CACNA1B: variants seen among roughly 807,000 people sequenced by gnomAD.
CACNA1B encodes the protein voltage-dependent N-type calcium channel subunit alpha-1B.
Under a neutral mutation model 247.2 loss-of-function variants are expected in CACNA1B, and 70 were observed. That is an observed-to-expected ratio of 0.28 (90% CI 0.23 to 0.35). The LOEUF is 0.35. Among genes scored for constraint, CACNA1B ranks in the 10% least tolerant of loss-of-function variants. The pLI is 1.00. For synonymous variants in CACNA1B, 1,231 were observed against 1,294.4 expected (o/e 0.95, Z 1.05); for missense variants, 2,367 against 3,197.4 (o/e 0.74, Z 6.26).
chr9:137,949,147 G>GT (rs566236751), intron 6 of CACNA1B, among the ~76,000 whole-genome samples: 293 of 672 alleles, frequency 0.44, 64 homozygotes, highest in Admixed American at 0.47. Context: ...GTGTATCTGT[G>GT]CATGTGTGTG....
intron 6 of CACNA1B, among the ~76,000 whole-genome samples, chr9:137,918,762 T>C (rs1049064472): frequency 6.6e-6 from 1 of 152,144 alleles, no homozygotes; most frequent in Non-Finnish European, 1.5e-5. Context: ...CTTATTGAGC[T>C]CGTTTATCAA....
chr9:137,918,443 C>T (rs986233484), intron 6 of CACNA1B, among the ~76,000 whole-genome samples: 2 of 152,048 alleles, frequency 1.3e-5, no homozygotes, highest in Non-Finnish European at 2.9e-5. Flanking sequence ...GCCTGTGGGT[C>T]AGGAATCTGG....
chr9:138,094,457 A>AAAAAAAAAAAAAAAAAAAAAAAGAAGAAG (rs752912258), intron 36 of CACNA1B, among the ~76,000 whole-genome samples: 30 of 134,826 alleles, frequency 2.2e-4, no homozygotes, highest in South Asian at 8.0e-4. Flanking sequence ...AAAAAAAAAA[A>AAAAAAAAAAAAAAAAAAAAAAAGAAGAAG]AAGAAGAAGA....
rs1460394665 is a variant in CACNA1B at position 137,974,788 on chromosome 9, T to C, written c.1544-1119T>C. Among the ~76,000 whole-genome samples the C allele has an allele frequency of 6.6e-6, 1 of 152,240 alleles. No individual in the cohort carries two copies. The highest frequency in any genetic ancestry group is 1.9e-4 in the East Asian group (1 of 5,194). Reference sequence around the variant, plus strand: ...CTGGACTCTGCCCAGTTGTGGACTCTCAGGGGCCTGCCCTTCATGCCCTCC... The same window carrying C: ...CTGGACTCTGCCCAGTTGTGGACTCCCAGGGGCCTGCCCTTCATGCCCTCC... On this transcript the variant is annotated intron_variant, in intron 11 of 46. Coordinates refer to ENST00000371372, the MANE Select transcript of CACNA1B (RefSeq NM_000718.4). The surrounding 1 kb of genome is among the most constrained non-coding windows in gnomAD (Gnocchi z 4.5).
intron 6 of CACNA1B, among the ~76,000 whole-genome samples, chr9:137,934,857 A>G (rs1259667424): frequency 1.3e-5 from 2 of 152,182 alleles, no homozygotes; most frequent in Non-Finnish European, 2.9e-5. Flanking sequence ...CTTCCCTCTG[A>G]CAGAGCCTAC....
intron 44 of CACNA1B, 104 bp from the exon 45 acceptor site, chr9:138,120,055 GGGGGGC>G: frequency 1.2e-6 from 1 of 864,684 alleles, no homozygotes; most frequent in South Asian, 1.9e-5. Flanking sequence ...AGACCAGGAT[GGGGGGC>G]GTGTGGGCCT....
At chr9:137,998,364 A>G (rs1337600687) in intron 15 of CACNA1B, among the ~76,000 whole-genome samples, 1 of 152,190 alleles carries the variant, frequency 6.6e-6, no homozygotes. Context: ...TAATCCCAGC[A>G]CTTTGGGAGG....
intron 35 of CACNA1B, among the ~76,000 whole-genome samples, chr9:138,076,889 C>G (rs1960340317): frequency 6.6e-6 from 1 of 152,236 alleles, no homozygotes; most frequent in Non-Finnish European, 1.5e-5. Flanking sequence ...ACCTCTTAGA[C>G]TCTTGTTTCT....
chr9:138,121,387 G>A lies in CACNA1B; in HGVS notation c.6490-82G>A. ...TCTCCTCCCATCCCCCCAGGCACCT[G>A]TGTGTGATGTGCTCTGTCTGTTGGT... On this transcript the variant is annotated intron_variant, in intron 46 of 46. Coordinates refer to ENST00000371372, the MANE Select transcript of CACNA1B (RefSeq NM_000718.4). This position sits in a 1 kb window ranked among gnomAD's most constrained non-coding sequence, Gnocchi z 6.8. The A allele has an allele frequency of 9.0e-7, 1 of 1,108,066 alleles. No homozygotes were observed. Among genetic ancestry groups the A allele is most frequent in the Non-Finnish European group, 1.3e-6 (1 of 794,130 alleles). The allele number at this position is 1,108,066 out of a possible 1,614,324, so 68.6% of individuals were successfully genotyped here. A position where few individuals can be genotyped will look rare whatever the true frequency, so the allele number is the denominator to read the frequency against.
In CACNA1B at chr9:138,052,249, C is replaced by CGTGTGTGCGTGTGT. The variant is rs56929123; in HGVS notation, c.3807+68_3807+69insCGTGTGTGTGTGTG. On this transcript the variant is annotated intron_variant, in intron 25 of 46. Transcript: ENST00000371372. The surrounding 1 kb of genome is among the most constrained non-coding windows in gnomAD (Gnocchi z 5.1). ...GTGTGTGTGTGCGTGTGTGTGTGTG[C>CGTGTGTGCGTGTGT]GTGTGTGTGTGTGTATGCATGCAGT... 179,965 of 775,490 alleles carry CGTGTGTGCGTGTGT rather than the reference C, an allele frequency of 0.23. 19,948 individuals carry two copies. Among genetic ancestry groups the CGTGTGTGCGTGTGT allele is most frequent in the African/African-American group, 0.57 (32,254 of 56,194 alleles). 48.0% of individuals were successfully genotyped at this position (775,490 alleles called of 1,614,324 possible).
chr9:138,103,686 C>T (rs1482456484), intron 38 of CACNA1B, among the ~76,000 whole-genome samples: 1 of 152,230 alleles, frequency 6.6e-6, no homozygotes, highest in African/African-American at 2.4e-5. Context: ...TCCTGAGGCC[C>T]CCACTGCTCT....
chr9:138,001,661 A>G (rs1411261475), intron 15 of CACNA1B, among the ~76,000 whole-genome samples: 1 of 152,166 alleles, frequency 6.6e-6, no homozygotes, highest in East Asian at 1.9e-4. Context: ...TATTTACTAT[A>G]GAAAATCCTA....
chr9:138,062,794 C>T (rs1387735267), intron 31 of CACNA1B, among the ~76,000 whole-genome samples: 1 of 152,244 alleles, frequency 6.6e-6, no homozygotes, highest in East Asian at 1.9e-4. Flanking sequence ...GGCAGGGCCA[C>T]TGCTATCACA....
At chr9:138,077,212 C>T (rs564820517) in intron 35 of CACNA1B, among the ~76,000 whole-genome samples, 13 of 152,278 alleles carry the variant, frequency 8.5e-5, no homozygotes, top group Admixed American at 2.0e-4. Context: ...GCCCAGCTTA[C>T]GCCTGGGGCT....
rs547467627 is a variant in CACNA1B at position 137,922,056 on chromosome 9, G to A, written c.966+4625G>A. Among the ~76,000 whole-genome samples the A allele has an allele frequency of 4.0e-3, 576 of 142,328 alleles. 3 individuals carry two copies. The highest frequency in any genetic ancestry group is 0.015 in the African/African-American group (540 of 37,026). 93.4% of individuals were successfully genotyped at this position (142,328 alleles called of 152,430 possible). A position where few individuals can be genotyped will look rare whatever the true frequency, so the allele number is the denominator to read the frequency against. On this transcript the variant is annotated intron_variant, in intron 6 of 46. Transcript: ENST00000371372. Reference sequence around the variant, plus strand: ...GGAGAACATGATCAGCACCACGACCGCACAGCATCCTGGGAGCAGAGTAAA... The same window carrying A: ...GGAGAACATGATCAGCACCACGACCACACAGCATCCTGGGAGCAGAGTAAA...
intron 6 of CACNA1B, among the ~76,000 whole-genome samples, chr9:137,930,559 A>G (rs1957596884): frequency 6.6e-6 from 1 of 152,220 alleles, no homozygotes. Context: ...GAAAGAATGT[A>G]TATTCTGCTG....
chr9:138,037,121 T>C (rs1255244055), intron 20 of CACNA1B, among the ~76,000 whole-genome samples: 2 of 152,226 alleles, frequency 1.3e-5, no homozygotes, highest in East Asian at 3.8e-4. Context: ...GTTTGTCCCG[T>C]AGAATTTCTC....
intron 10 of CACNA1B, among the ~76,000 whole-genome samples, chr9:137,964,464 C>T (rs552305539): frequency 1.3e-5 from 2 of 152,214 alleles, no homozygotes; most frequent in South Asian, 2.1e-4. Flanking sequence ...GAGATTCTTT[C>T]CTCTGCTTGA....
intron 15 of CACNA1B, among the ~76,000 whole-genome samples, chr9:138,000,302 G>T (rs898744984): frequency 5.9e-5 from 9 of 152,212 alleles, no homozygotes; most frequent in East Asian, 1.9e-4. Context: ...GTTTCACCGT[G>T]TTAGCCAGGA....
Sources: allele counts gnomAD v4.1 joint callset (sites outside exome capture counted in the v4.1 genomes callset), GRCh38; gene constraint gnomAD v4.1.1; non-coding constraint Gnocchi (gnomAD v3.1); transcripts MANE v1.5; gene names NCBI Gene and HGNC (gene_info 2026-07-23, HGNC 2026-07-21).